The following RARB variants were observed in gnomAD, a reference collection of about 807,000 sequenced individuals.
RARB encodes the protein HBV-activated protein.
Under a neutral mutation model 51.9 loss-of-function variants are expected in RARB, and 17 were observed. The observed-to-expected ratio is 0.33, with a 90% CI of 0.22 to 0.49. The LOEUF (loss-of-function observed/expected upper bound fraction) is 0.49. Ranked by LOEUF, RARB falls within the 20% of genes least tolerant of loss-of-function variation. The probability of loss-of-function intolerance (pLI) is 0.99; values close to 1 mark genes in which losing one functional copy is unlikely to be tolerated. For missense variants in RARB, 369 were observed against 550.8 expected (o/e 0.67, Z 3.30); for synonymous variants, 215 against 195.4 (o/e 1.10, Z -0.84).
At chr3:25,103,693 G>A (rs777570737) in intron 3 of RARB, among the ~76,000 whole-genome samples, 9 of 152,114 alleles carry the variant, frequency 5.9e-5, no homozygotes, top group Non-Finnish European at 1.2e-4. Context: ...TAACTTGCCC[G>A]GTGTCACTCA....
intron 5 of RARB, among the ~76,000 whole-genome samples, chr3:25,267,452 G>C (rs1036563914): frequency 6.6e-6 from 1 of 152,134 alleles, no homozygotes; most frequent in African/African-American, 2.4e-5. Context: ...CAGATGTCCT[G>C]AAGTCTCTAT....
In RARB at chr3:25,058,273, T is replaced by G. The variant is rs141829343; in HGVS notation, c.-379-1852T>G. Reference sequence around the variant, plus strand: ...ATGGTCTTGATTTTCATAATTATCCTGGATGTTGATATAGTATGCTTTGCT... The same window carrying G: ...ATGGTCTTGATTTTCATAATTATCCGGGATGTTGATATAGTATGCTTTGCT... On this transcript the variant is annotated intron_variant, in intron 2 of 11. Coordinates refer to the RARB transcript ENST00000383772. Among the ~76,000 whole-genome samples, 1,173 of 152,034 alleles carry G rather than the reference T, an allele frequency of 7.7e-3. 19 individuals are homozygous for G. Among genetic ancestry groups the G allele is most frequent in the African/African-American group, 0.027 (1,139 of 41,536 alleles).
intron 3 of RARB, among the ~76,000 whole-genome samples, chr3:25,518,603 A>G (rs1698276005): frequency 1.3e-5 from 2 of 152,142 alleles, no homozygotes; most frequent in Non-Finnish European, 2.9e-5. Context: ...TGGGCATGAA[A>G]TTGAGAGAGT....
chr3:25,352,816 G>A (rs1186122525), intron 5 of RARB, among the ~76,000 whole-genome samples: 1 of 152,156 alleles, frequency 6.6e-6, no homozygotes, highest in Non-Finnish European at 1.5e-5. Flanking sequence ...TGTGTGTATA[G>A]TGGGAAGAAC....
At chr3:25,260,946 G>T (rs983289952) in intron 5 of RARB, among the ~76,000 whole-genome samples, 1 of 152,146 alleles carries the variant, frequency 6.6e-6, no homozygotes, top group East Asian at 1.9e-4. Flanking sequence ...AGCCTCTGGA[G>T]AATGTTGGCC....
At chr3:25,407,332 A>G (rs1483841) in intron 5 of RARB, among the ~76,000 whole-genome samples, 19,847 of 152,222 alleles carry the variant, frequency 0.13, 1,557 homozygotes, top group South Asian at 0.21. Flanking sequence ...GCCATTATGC[A>G]CTGGGATTTG....
chr3:25,475,675 A>G (rs1333907421), intron 2 of RARB, among the ~76,000 whole-genome samples: 1 of 152,202 alleles, frequency 6.6e-6, no homozygotes, highest in Non-Finnish European at 1.5e-5. Flanking sequence ...GCTGGAACCC[A>G]AGTCACCTCT....
At chr3:25,148,698 G>C (rs1053583027) in intron 4 of RARB, among the ~76,000 whole-genome samples, 1 of 152,176 alleles carries the variant, frequency 6.6e-6, no homozygotes, top group Non-Finnish European at 1.5e-5. Flanking sequence ...GTTTCCTCAT[G>C]TGTAAAGAGT....
intron 5 of RARB, among the ~76,000 whole-genome samples, chr3:25,202,996 C>T (rs1025025028): frequency 1.3e-5 from 2 of 152,262 alleles, no homozygotes; most frequent in African/African-American, 4.8e-5. Flanking sequence ...TCCTTGTTAA[C>T]TTTCTGTCTC....
intron 3 of RARB, among the ~76,000 whole-genome samples, chr3:25,536,218 G>A (rs1010528238): frequency 2.0e-5 from 3 of 152,152 alleles, no homozygotes; most frequent in East Asian, 1.9e-4. Flanking sequence ...AAGAGATAAA[G>A]CCAAGAGTAG....
intron 4 of RARB, among the ~76,000 whole-genome samples, chr3:25,139,754 G>A (rs1467813814): frequency 6.6e-6 from 1 of 152,116 alleles, no homozygotes; most frequent in Non-Finnish European, 1.5e-5. Context: ...TGCCATCTGG[G>A]ACTATCATAG....
intron 2 of RARB, among the ~76,000 whole-genome samples, chr3:24,998,653 C>T (rs374267541): frequency 2.4e-4 from 37 of 152,236 alleles, no homozygotes; most frequent in African/African-American, 6.5e-4. Context: ...CTACAGGCTT[C>T]TGGAGATTAC....
At chr3:25,460,947 C>T (rs951417072) in intron 1 of RARB, among the ~76,000 whole-genome samples, 2 of 152,144 alleles carry the variant, frequency 1.3e-5, no homozygotes, top group East Asian at 1.9e-4. Flanking sequence ...CCATGGCCCT[C>T]ACAGTTCTGT....
chr3:25,470,681 A>C (rs1695642367), intron 2 of RARB, among the ~76,000 whole-genome samples: 1 of 152,244 alleles, frequency 6.6e-6, no homozygotes, highest in Non-Finnish European at 1.5e-5. Context: ...ATAGGATATT[A>C]AAGACACTCA....
At chr3:25,535,150 C>T (rs1196115947) in intron 3 of RARB, among the ~76,000 whole-genome samples, 2 of 152,204 alleles carry the variant, frequency 1.3e-5, no homozygotes, top group Non-Finnish European at 2.9e-5. Flanking sequence ...GCTGAGTGTT[C>T]TGTTGGTTAC....
At chr3:24,864,940 T>C (rs1409286253) in intron 2 of RARB, among the ~76,000 whole-genome samples, 2 of 152,186 alleles carry the variant, frequency 1.3e-5, no homozygotes, top group African/African-American at 2.4e-5. Flanking sequence ...CAAGGAACTG[T>C]ACTTTGAAAA....
intron 2 of RARB, among the ~76,000 whole-genome samples, chr3:24,892,058 A>T (rs1337046928): frequency 6.6e-6 from 1 of 152,046 alleles, no homozygotes; most frequent in African/African-American, 2.4e-5. Flanking sequence ...GGAATAACCT[A>T]TGGGGAGACA....
At position 25,016,838 on chromosome 3, in the gene RARB, C is replaced by G. The variant is rs369174934; in HGVS notation, c.-379-43287C>G. The stretch of plus-strand genomic sequence containing the variant: ...TCTCCACTCTTCTTGATAACACTTA[C>G]AAGAACAAACACCGGTAAAAGCTAG... On this transcript the variant is annotated intron_variant, in intron 2 of 11. Coordinates refer to the RARB transcript ENST00000383772. Among the ~76,000 whole-genome samples the G allele has an allele frequency of 5.3e-5, 8 of 152,098 alleles. No homozygotes were observed. In the East Asian group the frequency reaches 1.5e-3, roughly 29 times the overall value.
At chr3:25,031,686 G>A (rs1697880111) in intron 2 of RARB, among the ~76,000 whole-genome samples, 1 of 152,100 alleles carries the variant, frequency 6.6e-6, no homozygotes, top group African/African-American at 2.4e-5. Context: ...CCCAGGGAAG[G>A]GAACTGTCTA....
Sources: gnomAD v4.1 joint callset for allele counts (sites outside exome capture counted in the v4.1 genomes callset) on GRCh38, gnomAD v4.1.1 for gene constraint, MANE v1.5 for transcripts, NCBI Gene and HGNC (gene_info 2026-07-23, HGNC 2026-07-21) for gene names.